The following EPM2A variants were observed in gnomAD, a reference collection of about 807,000 sequenced individuals.
EPM2A encodes EPM2A glucan phosphatase, laforin.
In EPM2A, 21 loss-of-function variants were observed where a neutral mutation model predicts 26.5. That is an observed-to-expected ratio of 0.79 (90% CI 0.56 to 1.14). EPM2A has a LOEUF of 1.14. Among genes scored for constraint, EPM2A ranks in the 50% most tolerant of loss-of-function variants. The pLI is 0.00. For missense variants in EPM2A, 458 were observed against 440.8 expected (o/e 1.04, Z -0.35); for synonymous variants, 217 against 177.6 (o/e 1.22, Z -1.76).
At chr6:145,648,782 G>C (rs1007702906) in intron 2 of EPM2A, among the ~76,000 whole-genome samples, 5 of 152,170 alleles carry the variant, frequency 3.3e-5, no homozygotes, top group African/African-American at 9.6e-5. Context: ...CACAGTTGCA[G>C]AGAAAGATGT....
chr6:145,515,885 C>A (rs1341059710), intron 2 of EPM2A, among the ~76,000 whole-genome samples: 1 of 152,172 alleles, frequency 6.6e-6, no homozygotes, highest in Non-Finnish European at 1.5e-5. Flanking sequence ...CTCTTCTTAG[C>A]TTTCTCCAAA....
chr6:145,407,587 C>G (rs929903987), intron 4 of EPM2A, among the ~76,000 whole-genome samples: 1 of 152,104 alleles, frequency 6.6e-6, no homozygotes, highest in Non-Finnish European at 1.5e-5. Flanking sequence ...ATTTAAAATT[C>G]TAGATGTACT....
intron 4 of EPM2A, among the ~76,000 whole-genome samples, chr6:145,404,450 C>CT (rs11453616): frequency 0.38 from 56,822 of 151,414 alleles, 10,905 homozygotes; most frequent in South Asian, 0.46. Context: ...TTGTCTAAAG[C>CT]TTTTTTTACC....
At chr6:145,667,505 T>C (rs1779297268) in intron 2 of EPM2A, among the ~76,000 whole-genome samples, 2 of 150,044 alleles carry the variant, frequency 1.3e-5, no homozygotes, top group Non-Finnish European at 3.0e-5. Context: ...CATTAAAAAG[T>C]CAGGAAACAA....
At chr6:145,690,763 G>A (rs992949457) in intron 1 of EPM2A, among the ~76,000 whole-genome samples, 1 of 151,938 alleles carries the variant, frequency 6.6e-6, no homozygotes, top group Admixed American at 6.6e-5. Context: ...AACAAATGAA[G>A]AATCGGAATG....
chr6:145,722,728 T>C (rs1427712673), intron 1 of EPM2A: 5 of 450,432 alleles, frequency 1.1e-5, no homozygotes, highest in Admixed American at 2.4e-5. Context: ...ATGTTTACAG[T>C]GGTAATAAAG....
At chr6:145,565,023 C>T (rs1443437854) in intron 2 of EPM2A, among the ~76,000 whole-genome samples, 2 of 152,186 alleles carry the variant, frequency 1.3e-5, no homozygotes, top group Non-Finnish European at 2.9e-5. Flanking sequence ...AGCATTAGAG[C>T]ACCAAACCTG....
intron 4 of EPM2A, among the ~76,000 whole-genome samples, chr6:145,415,855 G>C (rs1033242829): frequency 4.7e-5 from 7 of 149,806 alleles, no homozygotes; most frequent in Admixed American, 4.0e-4. Flanking sequence ...AACTCCCCAG[G>C]CTCCTAAGCC....
At chr6:145,487,381 T>A (rs1225341961) in intron 4 of EPM2A, among the ~76,000 whole-genome samples, 1 of 152,168 alleles carries the variant, frequency 6.6e-6, no homozygotes, top group Non-Finnish European at 1.5e-5. Context: ...CTGAGTAGAA[T>A]GGTATTTCTG....
chr6:145,586,324 T>C (rs1324706952), intron 2 of EPM2A, among the ~76,000 whole-genome samples: 1 of 152,042 alleles, frequency 6.6e-6, no homozygotes, highest in Non-Finnish European at 1.5e-5. Flanking sequence ...ACAGCTCTTC[T>C]GTAAAAAAGA....
At chr6:145,698,701 T>C (rs1449672572) in intron 1 of EPM2A, among the ~76,000 whole-genome samples, 2 of 152,098 alleles carry the variant, frequency 1.3e-5, no homozygotes, top group Admixed American at 6.6e-5. Context: ...TTATGGACTG[T>C]ATTGTGTCTC....
At chr6:145,705,060 T>G (rs1414750996) in intron 1 of EPM2A, among the ~76,000 whole-genome samples, 1 of 152,226 alleles carries the variant, frequency 6.6e-6, no homozygotes, top group African/African-American at 2.4e-5. Context: ...CATATATTTA[T>G]CAAGCATTTA....
intron 2 of EPM2A, among the ~76,000 whole-genome samples, chr6:145,507,639 C>T (rs541794132): frequency 1.3e-5 from 2 of 152,286 alleles, no homozygotes; most frequent in African/African-American, 4.8e-5. Context: ...TGTTTTGCAA[C>T]CTGGAAGCAG....
chr6:145,531,396 A>G (rs964059971), intron 2 of EPM2A, among the ~76,000 whole-genome samples: 26 of 152,206 alleles, frequency 1.7e-4, no homozygotes, highest in African/African-American at 4.3e-4. Flanking sequence ...ATTATGGGTA[A>G]AGACCCTGCA....
intron 2 of EPM2A, among the ~76,000 whole-genome samples, chr6:145,511,854 T>A (rs1780059360): frequency 6.6e-6 from 1 of 152,186 alleles, no homozygotes; most frequent in South Asian, 2.1e-4. Flanking sequence ...ATCACATACC[T>A]ACAAAATCCT....
At chr6:145,399,360 T>A (rs1778450910) in intron 4 of EPM2A, among the ~76,000 whole-genome samples, 1 of 152,180 alleles carries the variant, frequency 6.6e-6, no homozygotes, top group East Asian at 1.9e-4. Flanking sequence ...ACAAGAAGAT[T>A]CTTGTTTGAT....
At chr6:145,653,906 G>A (rs1778069906) in intron 2 of EPM2A, among the ~76,000 whole-genome samples, 2 of 152,156 alleles carry the variant, frequency 1.3e-5, no homozygotes. Flanking sequence ...TCATGGCTTA[G>A]CCCAGTTGAC....
Position 145,724,252 on chromosome 6 carries a change from C to G in EPM2A, c.301+10946G>C, listed in dbSNP as rs1054050229. On this transcript the variant is annotated intron_variant, in intron 1 of 3. Transcript: ENST00000367519. ...CAATGGCCAGCATGCAAACAAAAAT[C>G]AATAGATACAAAAGTTAATTTATTT... is the stretch of plus-strand genomic sequence containing the variant. 4.6e-5 allele frequency among the ~76,000 whole-genome samples: 7 copies of G among 151,994 alleles called. No homozygotes were observed. In the East Asian group the frequency reaches 9.6e-4, roughly 21 times the overall value.
At chr6:145,432,135 GAAGTC>G in intron 4 of EPM2A, among the ~76,000 whole-genome samples, 5 of 152,242 alleles carry the variant, frequency 3.3e-5, no homozygotes, top group Admixed American at 3.3e-4. Flanking sequence ...TTTCTCTTCT[GAAGTC>G]AAGTCTTGAA....
Sources: gnomAD v4.1 joint callset for allele counts (sites outside exome capture counted in the v4.1 genomes callset) on GRCh38, gnomAD v4.1.1 for gene constraint, MANE v1.5 for transcripts, NCBI Gene and HGNC (gene_info 2026-07-23, HGNC 2026-07-21) for gene names.